The following LRFN2 variants were observed in gnomAD, a reference collection of about 807,000 sequenced individuals.
LRFN2 encodes leucine rich repeat and fibronectin type III domain containing 2.
A neutral mutation model predicts 37.3 loss-of-function variants in LRFN2; 18 were observed. The observed-to-expected ratio is 0.48, with a 90% CI of 0.33 to 0.72. The LOEUF is 0.72. LRFN2 is among the 30% of genes least tolerant of loss of function. The pLI, the probability that LRFN2 is intolerant of heterozygous loss-of-function variation, is 0.02. For synonymous variants in LRFN2, 556 were observed against 466.6 expected (o/e 1.19, Z -2.47); for missense variants, 1,006 against 1,060.7 (o/e 0.95, Z 0.72).
intron 2 of LRFN2, among the ~76,000 whole-genome samples, chr6:40,397,699 G>T (rs570646460): frequency 6.6e-6 from 1 of 152,334 alleles, no homozygotes; most frequent in Non-Finnish European, 1.5e-5. Flanking sequence ...GATAATTAAA[G>T]ATCTTATTTA....
At chr6:40,441,346 G>A (rs1763830796) in intron 1 of LRFN2, among the ~76,000 whole-genome samples, 1 of 152,184 alleles carries the variant, frequency 6.6e-6, no homozygotes, top group Non-Finnish European at 1.5e-5. Flanking sequence ...AGGAAGATCT[G>A]TGCAACAGTG....
intron 1 of LRFN2, among the ~76,000 whole-genome samples, chr6:40,578,694 G>A (rs767868755): frequency 3.9e-5 from 6 of 152,126 alleles, no homozygotes; most frequent in Non-Finnish European, 7.3e-5. Flanking sequence ...TAGCTCACAC[G>A]TATATATTGT....
intron 1 of LRFN2, among the ~76,000 whole-genome samples, chr6:40,495,126 T>C (rs914816930): frequency 1.3e-5 from 2 of 152,186 alleles, no homozygotes; most frequent in African/African-American, 4.8e-5. Flanking sequence ...TCCTATACTT[T>C]CCTAATTCAC....
Position 40,472,387 on chromosome 6 carries a change from C to T in LRFN2, c.-18-39256G>A, listed in dbSNP as rs554053194. Among the ~76,000 whole-genome samples the T allele has an allele frequency of 3.7e-4, 56 of 152,340 alleles. No individual in the cohort carries two copies. In the South Asian group the frequency reaches 0.011, roughly 29 times the overall value. On this transcript the variant is annotated intron_variant, in intron 1 of 2. Coordinates refer to ENST00000338305, the MANE Select transcript of LRFN2 (RefSeq NM_020737.3). ...CCTGAACTTCTCACTTTTCTGTAGGCTGAGTTGGCATCTGAAGACCCTCTG... is the reference window on the plus strand; with the variant it reads ...CCTGAACTTCTCACTTTTCTGTAGGTTGAGTTGGCATCTGAAGACCCTCTG...
At chr6:40,532,158 T>C (rs1179843751) in intron 1 of LRFN2, among the ~76,000 whole-genome samples, 1 of 152,188 alleles carries the variant, frequency 6.6e-6, no homozygotes, top group African/African-American at 2.4e-5. Context: ...GTGGGCCCAC[T>C]ATGTATCAGG....
chr6:40,505,706 G>A (rs1765513346), intron 1 of LRFN2, among the ~76,000 whole-genome samples: 1 of 152,170 alleles, frequency 6.6e-6, no homozygotes, highest in Non-Finnish European at 1.5e-5. Flanking sequence ...GGGGCCTCTA[G>A]GGTGGCACTC....
chr6:40,481,067 T>C (rs1016964872), intron 1 of LRFN2, among the ~76,000 whole-genome samples: 4 of 152,176 alleles, frequency 2.6e-5, no homozygotes, highest in African/African-American at 9.7e-5. Flanking sequence ...CACCAATTGC[T>C]GATGGGCCCC....
At chr6:40,444,114 G>A (rs778021308) in intron 1 of LRFN2, among the ~76,000 whole-genome samples, 17 of 152,178 alleles carry the variant, frequency 1.1e-4, no homozygotes, top group Non-Finnish European at 2.1e-4. Context: ...CAGCCTACCC[G>A]GGCACAGAGC....
intron 1 of LRFN2, among the ~76,000 whole-genome samples, chr6:40,502,663 C>G (rs1394702011): frequency 6.6e-6 from 1 of 152,226 alleles, no homozygotes; most frequent in Non-Finnish European, 1.5e-5. Flanking sequence ...TCTATTCACT[C>G]TCCTGTCTCC....
chr6:40,490,270 C>A (rs886318501), intron 1 of LRFN2, among the ~76,000 whole-genome samples: 5 of 152,232 alleles, frequency 3.3e-5, no homozygotes, highest in African/African-American at 1.2e-4. Context: ...TTCATAAAAT[C>A]ATCTTGCTTG....
chr6:40,511,790 G>A (rs1472738858), intron 1 of LRFN2, among the ~76,000 whole-genome samples: 2 of 152,174 alleles, frequency 1.3e-5, no homozygotes, highest in Admixed American at 1.3e-4. Flanking sequence ...AGAAGAAGGG[G>A]CACACAATTA....
At chr6:40,431,639 C>T (rs1319681931) in intron 2 of LRFN2, 75 bp downstream of exon 2, 2 of 1,340,934 alleles carry the variant, frequency 1.5e-6, no homozygotes, top group Admixed American at 2.4e-5. Context: ...GTGGGAGCAG[C>T]CCCAAGACCT....
intron 2 of LRFN2, among the ~76,000 whole-genome samples, chr6:40,405,153 C>T (rs78695471): frequency 0.027 from 4,045 of 152,332 alleles, 106 homozygotes; most frequent in African/African-American, 0.064. Context: ...CCCAGCTACC[C>T]ATTACACATC....
chr6:40,399,438 C>CTT (rs71543989), intron 2 of LRFN2, among the ~76,000 whole-genome samples: 3,706 of 108,872 alleles, frequency 0.034, 207 homozygotes, highest in Admixed American at 0.12. Context: ...TTTTTTTTTT[C>CTT]TTTTTTTTTT....
At position 40,431,725 on chromosome 6, in the gene LRFN2, T is replaced by C. The variant is rs1373874930; in HGVS notation, c.1389A>G (p.Val463=). ...QLQYNCSDDE[V]LIYRMIPASN... ...AGCCGCTTGCTCACCTGTAAATCAG[T>C]ACCTCATCGTCAGAGCAGTTGTACT... Residue 463 remains valine, a synonymous_variant, in exon 2 of 3, where the codon GTA becomes GTG. Coordinates refer to ENST00000338305, the MANE Select transcript of LRFN2 (RefSeq NM_020737.3). 6.6e-7 allele frequency: 1 copy of C among 1,513,628 alleles called. No homozygotes were observed. Among genetic ancestry groups the C allele is most frequent in the Non-Finnish European group, 8.8e-7 (1 of 1,131,076 alleles). 93.8% of individuals were successfully genotyped at this position (1,513,628 alleles called of 1,614,324 possible).
At chr6:40,541,254 C>A (rs1035181647) in intron 1 of LRFN2, among the ~76,000 whole-genome samples, 7 of 152,194 alleles carry the variant, frequency 4.6e-5, no homozygotes, top group Non-Finnish European at 1.0e-4. Context: ...TGCACAGACA[C>A]CCCAAATATT....
At chr6:40,541,529 G>C (rs747482039) in intron 1 of LRFN2, among the ~76,000 whole-genome samples, 3 of 152,148 alleles carry the variant, frequency 2.0e-5, no homozygotes, top group African/African-American at 7.2e-5. Flanking sequence ...GACGGGGCGG[G>C]GGTAGAGGCA....
intron 2 of LRFN2, among the ~76,000 whole-genome samples, chr6:40,404,756 C>T (rs1356031168): frequency 1.3e-5 from 2 of 152,028 alleles, no homozygotes; most frequent in African/African-American, 4.8e-5. Context: ...GGGGAGTTCA[C>T]ACAAGGGATG....
At chr6:40,531,405 C>T (rs934727307) in intron 1 of LRFN2, among the ~76,000 whole-genome samples, 8 of 152,144 alleles carry the variant, frequency 5.3e-5, no homozygotes, top group African/African-American at 1.9e-4. Context: ...GAATGGTGCA[C>T]TCTGAACGCC....
Sources: allele counts gnomAD v4.1 joint callset (sites outside exome capture counted in the v4.1 genomes callset), GRCh38; gene constraint gnomAD v4.1.1; transcripts MANE v1.5; gene names NCBI Gene and HGNC (gene_info 2026-07-23, HGNC 2026-07-21).